The following RAB27B variants were observed in gnomAD, a reference collection of about 807,000 sequenced individuals.
The protein encoded by RAB27B is RAB27B, member RAS oncogene family.
Under a neutral mutation model 24.6 loss-of-function variants are expected in RAB27B, and 15 were observed. The observed-to-expected ratio is 0.61, with a 90% confidence interval of 0.41 to 0.94. RAB27B has a LOEUF of 0.94. RAB27B is among the 40% of genes least tolerant of loss of function. The pLI, the probability that RAB27B is intolerant of heterozygous loss-of-function variation, is 0.00. For synonymous variants in RAB27B, 105 were observed against 92.5 expected (o/e 1.14, Z -0.78); for missense variants, 261 against 266.8 (o/e 0.98, Z 0.15).
chr18:54,818,218 C>T (rs1049884970), intron 2 of RAB27B, among the ~76,000 whole-genome samples: 2 of 152,148 alleles, frequency 1.3e-5, no homozygotes, highest in Non-Finnish European at 2.9e-5. Flanking sequence ...TATTGCAATG[C>T]CCTTCCTAAA....
chr18:54,756,428 C>T (rs913321007), intron 2 of RAB27B, among the ~76,000 whole-genome samples: 5 of 152,160 alleles, frequency 3.3e-5, no homozygotes, highest in Admixed American at 1.3e-4. Context: ...TTCGATTCTT[C>T]CTGCCCCTAA....
At chr18:54,719,759 T>A (rs1020245025) in intron 2 of RAB27B, among the ~76,000 whole-genome samples, 1 of 152,078 alleles carries the variant, frequency 6.6e-6, no homozygotes, top group South Asian at 2.1e-4. Context: ...TATTAAAGTT[T>A]TCTCCTTTCT....
At chr18:54,718,030 A>G (rs547829597) in intron 1 of RAB27B, 3 of 152,158 alleles carry the variant, frequency 2.0e-5, no homozygotes, top group Non-Finnish European at 2.9e-5. Context: ...TCCAGCACCT[A>G]TTGGGTTACT....
rs1913338970 is a variant in RAB27B, at chr18:54,890,861, T to C, written c.*1448T>C. 6.6e-6 allele frequency: 1 copy of C among 152,174 alleles called. No homozygotes were observed. The highest frequency in any genetic ancestry group is 2.4e-5 in the African/African-American group (1 of 41,444). 9.4% of individuals were successfully genotyped at this position (152,174 alleles called of 1,614,324 possible). A position where few individuals can be genotyped will look rare whatever the true frequency, so the allele number is the denominator to read the frequency against. On this transcript the variant is annotated 3_prime_UTR_variant, in exon 6 of 6. Coordinates refer to ENST00000262094, the MANE Select transcript of RAB27B (RefSeq NM_004163.4). ...AAAATTATTTTTCATTGGCCTATTC[T>C]GTTCTTGTGTCTAAACTAACATTAC...
chr18:54,806,848 GC>G (rs1322977581), intron 2 of RAB27B, among the ~76,000 whole-genome samples: 1 of 151,996 alleles, frequency 6.6e-6, no homozygotes, highest in Non-Finnish European at 1.5e-5. Context: ...GTCACTTAAA[GC>G]AAAAATGAGT....
intron 2 of RAB27B, among the ~76,000 whole-genome samples, chr18:54,720,359 G>A (rs1474831757): frequency 6.6e-6 from 1 of 151,930 alleles, no homozygotes; most frequent in Non-Finnish European, 1.5e-5. Flanking sequence ...TCTAACAGAT[G>A]GATTTTAACA....
At chr18:54,861,304 T>G (rs28461398) in intron 1 of RAB27B, among the ~76,000 whole-genome samples, 1 of 152,360 alleles carries the variant, frequency 6.6e-6, no homozygotes, top group East Asian at 1.9e-4. Context: ...CAAATCTTTT[T>G]CTTTATGGAG....
chr18:54,779,040 A>T (rs1908806818), intron 2 of RAB27B, among the ~76,000 whole-genome samples: 1 of 151,994 alleles, frequency 6.6e-6, no homozygotes, highest in South Asian at 2.1e-4. Context: ...GAGTTTCACC[A>T]TGTTGGCCAG....
chr18:54,753,347 T>C (rs1000923327), intron 2 of RAB27B, among the ~76,000 whole-genome samples: 1 of 152,232 alleles, frequency 6.6e-6, no homozygotes, highest in African/African-American at 2.4e-5. Context: ...CCTTGTATTC[T>C]AGTACCTTGT....
At chr18:54,866,505 C>T (rs1293243453) in intron 1 of RAB27B, among the ~76,000 whole-genome samples, 1 of 152,246 alleles carries the variant, frequency 6.6e-6, no homozygotes, top group East Asian at 1.9e-4. Context: ...ACCATGTTGC[C>T]CAGGCTGGTC....
chr18:54,804,882 T>TTC (rs1555657983), intron 2 of RAB27B, among the ~76,000 whole-genome samples: 2 of 43,342 alleles, frequency 4.6e-5, no homozygotes, highest in African/African-American at 1.6e-4. Flanking sequence ...TCTTTTTTCT[T>TTC]TCTTTCTTTC....
Position 54,895,167 on chromosome 18 carries a change from G to A in RAB27B, c.*5754G>A, listed in dbSNP as rs1021488599. The stretch of plus-strand genomic sequence containing the variant: ...GACGATGTTCTAATATAACACTGAA[G>A]TGCTTCATTGTATCCCAACAGTTTA... On this transcript the variant is annotated 3_prime_UTR_variant, in exon 6 of 6. Transcript: ENST00000262094. The A allele has an allele frequency of 2.6e-5, 4 of 152,032 alleles. No individual in the cohort carries two copies. The highest frequency in any genetic ancestry group is 9.7e-5 in the African/African-American group (4 of 41,410). The allele number at this position is 152,032 out of a possible 1,614,324, so 9.4% of individuals were successfully genotyped here.
intron 2 of RAB27B, among the ~76,000 whole-genome samples, chr18:54,804,666 C>T (rs1909713063): frequency 6.6e-6 from 1 of 152,090 alleles, no homozygotes; most frequent in Non-Finnish European, 1.5e-5. Context: ...AAATTAAGAG[C>T]CATGAAAACT....
At chr18:54,768,061 G>A (rs930591107) in intron 2 of RAB27B, among the ~76,000 whole-genome samples, 1 of 152,134 alleles carries the variant, frequency 6.6e-6, no homozygotes, top group Non-Finnish European at 1.5e-5. Context: ...GTCTAGTAGG[G>A]GCCAATGCAG....
intron 1 of RAB27B, among the ~76,000 whole-genome samples, chr18:54,839,079 C>A (rs1026517519): frequency 1.3e-5 from 2 of 152,026 alleles, no homozygotes. Flanking sequence ...ATGATGAACA[C>A]TTGTGAATCA....
chr18:54,785,788 A>G (rs1195760184), intron 2 of RAB27B, among the ~76,000 whole-genome samples: 2 of 152,156 alleles, frequency 1.3e-5, no homozygotes, highest in East Asian at 1.9e-4. Context: ...GAGAAAATGC[A>G]ATGCATGTGT....
At chr18:54,804,904 C>CTCTCTCTTTCTT (rs1555658012) in intron 2 of RAB27B, among the ~76,000 whole-genome samples, 39 of 48,018 alleles carry the variant, frequency 8.1e-4, no homozygotes, top group African/African-American at 1.9e-3. Flanking sequence ...CTTTCTCTCT[C>CTCTCTCTTTCTT]TCTTTCTTTC....
rs779474355 is a variant in RAB27B, at chr18:54,879,378, G to T, written c.163G>T (p.Ala55Ser). 45 of 1,611,592 alleles carry T rather than the reference G, an allele frequency of 2.8e-5. No individual in the cohort carries two copies. Among genetic ancestry groups the T allele is most frequent in the Non-Finnish European group, 3.7e-5 (44 of 1,177,824 alleles). ...DFREKRVVYNAQGPNGSSGKA... is the reference protein window; with the variant it reads ...DFREKRVVYNSQGPNGSSGKA... ...ACGTTGTATCTTTCAGGTTTATAAT[G>T]CACAAGGACCGAATGGATCTTCAGG... The change falls in exon 3 of 6, where the codon GCA (alanine) becomes TCA (serine). Residue 55 changes from alanine (A) to serine (S), a missense_variant. By Grantham distance (99) the Ala-to-Ser change is moderately conservative. Transcript: ENST00000262094.
upstream of RAB27B, chr18:54,828,407 T>C (rs1018699820): frequency 9.2e-5 from 14 of 152,184 alleles, no homozygotes; most frequent in Non-Finnish European, 1.3e-4. Context: ...AGACACGCCT[T>C]CTTCTCACAC....
Sources: allele counts gnomAD v4.1 joint callset (sites outside exome capture counted in the v4.1 genomes callset), GRCh38; gene constraint gnomAD v4.1.1; transcripts MANE v1.5; gene names NCBI Gene and HGNC (gene_info 2026-07-23, HGNC 2026-07-21).